LGR6: variants seen among roughly 807,000 people sequenced by gnomAD.
LGR6 encodes leucine-rich repeat-containing G protein-coupled receptor 6.
A neutral mutation model predicts 69.4 loss-of-function variants in LGR6; 45 were observed. The ratio of observed to expected loss-of-function variants is 0.65; its 90% CI spans 0.51 to 0.83. The LOEUF is 0.83. Among genes scored for constraint, LGR6 ranks in the 40% least tolerant of loss-of-function variants. The pLI, the probability that LGR6 is intolerant of heterozygous loss-of-function variation, is 0.00. For missense variants in LGR6, 1,108 were observed against 1,246.7 expected, an observed-to-expected ratio of 0.89 and a Z score of 1.68; for synonymous variants, 538 against 555.0, an observed-to-expected ratio of 0.97 and a Z score of 0.43.
In LGR6 at chr1:202,319,159, G is replaced by A; in HGVS notation, c.2856G>A (p.Gly952=). The A allele has an allele frequency of 6.2e-7, 1 of 1,613,418 alleles. No homozygotes were observed. The highest frequency in any genetic ancestry group is 1.1e-5 in the South Asian group (1 of 90,986). Residue 952 remains glycine (G), a synonymous_variant, in exon 18 of 18, where the codon GGG becomes GGA. Coordinates refer to ENST00000367278, the MANE Select transcript of LGR6 (RefSeq NM_001017403.2). ...CGCCAGCAGGTGGAGGCTTGTCAGG[G>A]GGTGGCGGCTTTCAGCCCTCTGGCT... The part of the protein sequence containing the change: ...GSTPAGGGLS[G]GGGFQPSGLA...
intron 1 of LGR6, among the ~76,000 whole-genome samples, chr1:202,213,048 G>A (rs1013269727): frequency 3.3e-5 from 5 of 152,184 alleles, no homozygotes; most frequent in African/African-American, 9.7e-5. Context: ...TCCTCAGACC[G>A]AAGTTTCCTG....
intron 1 of LGR6, among the ~76,000 whole-genome samples, chr1:202,204,642 AAC>A (rs1347962664): frequency 6.1e-5 from 3 of 49,584 alleles, no homozygotes; most frequent in Non-Finnish European, 1.2e-4. Context: ...CACACCTCCA[AAC>A]ACACACACAC....
chr1:202,209,382 C>G (rs1659376435), intron 1 of LGR6, among the ~76,000 whole-genome samples: 1 of 152,228 alleles, frequency 6.6e-6, no homozygotes, highest in African/African-American at 2.4e-5. Flanking sequence ...CACACATCCA[C>G]TCAGCCTGCC....
At chr1:202,216,682 C>A (rs1659806753) in intron 1 of LGR6, among the ~76,000 whole-genome samples, 1 of 152,172 alleles carries the variant, frequency 6.6e-6, no homozygotes, top group South Asian at 2.1e-4. Context: ...TCATTCCTCT[C>A]CAGAGGCTCT....
chr1:202,239,162 T>C (rs1188558460), intron 4 of LGR6, among the ~76,000 whole-genome samples: 2 of 152,184 alleles, frequency 1.3e-5, no homozygotes, highest in Admixed American at 6.5e-5. Context: ...GCCGGCTCTT[T>C]TCCTGCTTCT....
chr1:202,231,109 C>T (rs1209337838), intron 3 of LGR6, among the ~76,000 whole-genome samples: 1 of 152,232 alleles, frequency 6.6e-6, no homozygotes, highest in Admixed American at 6.5e-5. Flanking sequence ...ACCCTGGCTC[C>T]AGGCCACAGA....
intron 4 of LGR6, among the ~76,000 whole-genome samples, chr1:202,250,659 C>A (rs1252746867): frequency 6.6e-6 from 1 of 152,138 alleles, no homozygotes; most frequent in African/African-American, 2.4e-5. Context: ...CCCACCTCGC[C>A]TCCTACAGTG....
intron 6 of LGR6, among the ~76,000 whole-genome samples, chr1:202,287,425 A>C (rs1666470871): frequency 6.6e-6 from 1 of 152,020 alleles, no homozygotes; most frequent in Admixed American, 6.6e-5. Flanking sequence ...AAGTTCTCCC[A>C]AGGCTCAAGT....
In LGR6 at chr1:202,269,180, A is replaced by G. The variant is rs140651329; in HGVS notation, c.429-7126A>G. Among the ~76,000 whole-genome samples the G allele has an allele frequency of 2.2e-4, 33 of 152,280 alleles. No individual in the cohort carries two copies. The East Asian group carries it at 6.2e-3, about 29-fold the overall frequency. ...CTGAGCCTCCCAAAGTGCTGGGATT[A>G]TAGACATGAGCCACTGTGCCCAGCT... On this transcript the variant is annotated intron_variant, in intron 4 of 17. Coordinates refer to ENST00000367278, the MANE Select transcript of LGR6 (RefSeq NM_001017403.2).
intron 4 of LGR6, 59 bp from the exon 5 acceptor site, chr1:202,276,247 C>T (rs1665540632): frequency 2.0e-6 from 3 of 1,466,982 alleles, no homozygotes; most frequent in Non-Finnish European, 1.9e-6. Context: ...CAGTCTAGCC[C>T]CAAAGCTTGG....
intron 1 of LGR6, among the ~76,000 whole-genome samples, chr1:202,214,613 A>T (rs1432053622): frequency 1.3e-5 from 2 of 152,192 alleles, no homozygotes; most frequent in Non-Finnish European, 2.9e-5. Context: ...AGTGGGAAGT[A>T]ACTTGATATT....
At chr1:202,243,617 C>G (rs1010705461) in intron 4 of LGR6, among the ~76,000 whole-genome samples, 2 of 150,436 alleles carry the variant, frequency 1.3e-5, no homozygotes, top group African/African-American at 4.9e-5. Flanking sequence ...CCTGGGATTC[C>G]CCAGTGGGTT....
At chr1:202,277,153 G>A (rs781506648) in intron 5 of LGR6, among the ~76,000 whole-genome samples, 18 of 152,176 alleles carry the variant, frequency 1.2e-4, no homozygotes, top group Non-Finnish European at 2.2e-4. Context: ...GGGCTTGGAG[G>A]TCATGTATAA....
intron 1 of LGR6, among the ~76,000 whole-genome samples, chr1:202,201,884 A>G (rs1054899475): frequency 3.9e-5 from 6 of 152,308 alleles, no homozygotes; most frequent in African/African-American, 1.4e-4. Context: ...GATTATCATC[A>G]GCGTTGATGT....
chr1:202,317,799 T>A (rs1298230110), intron 17 of LGR6, among the ~76,000 whole-genome samples, 153 bp from the exon 18 acceptor site: 3 of 152,034 alleles, frequency 2.0e-5, no homozygotes, highest in Admixed American at 2.0e-4. Context: ...AGAAACAGGG[T>A]CAGCCTCCCT....
At chr1:202,262,588 G>A (rs1417810227) in intron 4 of LGR6, among the ~76,000 whole-genome samples, 13 of 152,056 alleles carry the variant, frequency 8.5e-5, no homozygotes, top group South Asian at 2.1e-4. Context: ...TTTTGGTTCC[G>A]TATGTAATGT....
intron 1 of LGR6, among the ~76,000 whole-genome samples, chr1:202,211,752 TACAC>T: frequency 1.3e-5 from 2 of 152,254 alleles, no homozygotes; most frequent in Non-Finnish European, 2.9e-5. Context: ...CATAAGCAAA[TACAC>T]TTGTGTAACC....
chr1:202,318,375 T>TA lies in LGR6; in HGVS notation c.2073dup (p.Gly692ArgfsTer33), dbSNP rs777061329. On this transcript the variant is annotated frameshift_variant, in exon 18 of 18. Coordinates refer to ENST00000367278, the MANE Select transcript of LGR6 (RefSeq NM_001017403.2). LOFTEE classifies it low-confidence loss of function (END_TRUNC). ...CTGGGCAGCGTTCGAGCAGGGGTCC[T>TA]AGGCTGCCTGGCACTGGCAGGGCTG... The TA allele has an allele frequency of 6.2e-7, 1 of 1,604,382 alleles. No homozygotes were observed. Among genetic ancestry groups the TA allele is most frequent in the Non-Finnish European group, 8.5e-7 (1 of 1,175,274 alleles).
At chr1:202,302,945 C>T (rs927849673) in intron 9 of LGR6, among the ~76,000 whole-genome samples, 2 of 152,188 alleles carry the variant, frequency 1.3e-5, no homozygotes, top group Non-Finnish European at 2.9e-5. Context: ...AGGGCTTCTC[C>T]AGAAGCACCC....
Sources: gnomAD v4.1 joint callset for allele counts (sites outside exome capture counted in the v4.1 genomes callset) on GRCh38, gnomAD v4.1.1 for gene constraint, MANE v1.5 for transcripts, NCBI Gene and HGNC (gene_info 2026-07-23, HGNC 2026-07-21) for gene names.